Variants in GABRG3 observed in about 807,000 individuals in gnomAD.
GABRG3 encodes gamma-aminobutyric acid type A receptor subunit gamma3.
A neutral mutation model predicts 48.8 loss-of-function variants in GABRG3; 25 were observed. The ratio of observed to expected loss-of-function variants is 0.51; its 90% CI spans 0.37 to 0.72. GABRG3 has a LOEUF of 0.72. GABRG3 is among the 30% of genes least tolerant of loss of function. GABRG3 has a pLI of 0.00. For missense variants in GABRG3, 394 were observed against 577.9 expected (o/e 0.68, Z 3.26); for synonymous variants, 227 against 217.6 (o/e 1.04, Z -0.38).
chr15:26,986,132 C>G (rs990856962), intron 2 of GABRG3, among the ~76,000 whole-genome samples: 1 of 152,128 alleles, frequency 6.6e-6, no homozygotes, highest in Non-Finnish European at 1.5e-5. Context: ...GGCCAGTCCT[C>G]ACCTGAAATC....
At chr15:26,972,926 C>T (rs959657103) in intron 1 of GABRG3, among the ~76,000 whole-genome samples, 2 of 152,190 alleles carry the variant, frequency 1.3e-5, no homozygotes, top group African/African-American at 4.8e-5. Context: ...GGCCTTTCAG[C>T]TGAAGTTTCT....
At chr15:27,474,595 T>C (rs1432300724) in intron 5 of GABRG3, among the ~76,000 whole-genome samples, 1 of 152,188 alleles carries the variant, frequency 6.6e-6, no homozygotes, top group Non-Finnish European at 1.5e-5. Flanking sequence ...TCAAATGCAT[T>C]CACGACCTTG....
chr15:27,374,124 CCTTTT>C (rs1319391791), intron 5 of GABRG3, among the ~76,000 whole-genome samples: 1 of 144,976 alleles, frequency 6.9e-6, no homozygotes, highest in Non-Finnish European at 1.5e-5. Context: ...AATTTTCTTT[CCTTTT>C]CTTTTCTTCT....
chr15:26,998,299 C>T (rs1382322822), intron 2 of GABRG3, among the ~76,000 whole-genome samples: 1 of 152,206 alleles, frequency 6.6e-6, no homozygotes, highest in African/African-American at 2.4e-5. Context: ...ATGGAATTCT[C>T]CACACTTTGT....
rs1000835707 is a variant in GABRG3, at chr15:27,027,340, A to G, written c.270+519A>G. The stretch of plus-strand genomic sequence containing the variant: ...AGCCTTCTGTGGTGGGCTGAAGGCC[A>G]CAGTCCACCTGCCAGCAAGGGGTTA... On this transcript the variant is annotated intron_variant, in intron 3 of 9. Coordinates refer to ENST00000615808, the MANE Select transcript of GABRG3 (RefSeq NM_033223.5). 2.0e-5 allele frequency among the ~76,000 whole-genome samples: 3 copies of G among 152,338 alleles called. No homozygotes were observed. In the East Asian group the frequency reaches 5.8e-4, roughly 29 times the overall value.
intron 3 of GABRG3, among the ~76,000 whole-genome samples, chr15:27,112,013 C>G (rs1003855335): frequency 3.3e-5 from 5 of 152,144 alleles, no homozygotes; most frequent in African/African-American, 1.2e-4. Context: ...GGATCCTTAC[C>G]ATGAGAATCT....
chr15:27,518,192 A>C (rs1181544891), intron 6 of GABRG3, among the ~76,000 whole-genome samples: 1 of 124,390 alleles, frequency 8.0e-6, no homozygotes, highest in African/African-American at 3.5e-5. Context: ...TCTACTAAAA[A>C]TACAAAAAAA....
At position 27,455,260 on chromosome 15, in the gene GABRG3, C is replaced by G. The variant is rs764828216; in HGVS notation, c.575-25390C>G. Among the ~76,000 whole-genome samples the G allele has an allele frequency of 5.3e-5, 8 of 152,342 alleles. No homozygotes were observed. In the South Asian group the frequency reaches 6.2e-4, roughly 12 times the overall value. On this transcript the variant is annotated intron_variant, in intron 5 of 9. Coordinates refer to ENST00000615808, the MANE Select transcript of GABRG3 (RefSeq NM_033223.5). Reference sequence around the variant, plus strand: ...AAACAGCCCCAAGACTAGGTCAGCTCTGGCTGCTGCAAAACCTTACACCTT... The same window carrying G: ...AAACAGCCCCAAGACTAGGTCAGCTGTGGCTGCTGCAAAACCTTACACCTT...
At chr15:27,171,968 A>G (rs1050183461) in intron 3 of GABRG3, among the ~76,000 whole-genome samples, 6 of 152,048 alleles carry the variant, frequency 3.9e-5, no homozygotes, top group Non-Finnish European at 7.4e-5. Flanking sequence ...CCCGAGGTGG[A>G]AGGTGTCACA....
intron 3 of GABRG3, among the ~76,000 whole-genome samples, chr15:27,168,864 C>T (rs1039904053): frequency 5.9e-5 from 9 of 152,190 alleles, no homozygotes; most frequent in African/African-American, 1.9e-4. Context: ...TCTGTCATAG[C>T]AGAATGAAAG....
At chr15:27,156,316 A>AG (rs1898423495) in intron 3 of GABRG3, among the ~76,000 whole-genome samples, 1 of 151,198 alleles carries the variant, frequency 6.6e-6, no homozygotes, top group African/African-American at 2.4e-5. Context: ...AAAAAAAAAA[A>AG]AAAAAGAAAG....
At chr15:27,251,619 T>C (rs1381231535) in intron 3 of GABRG3, among the ~76,000 whole-genome samples, 1 of 152,218 alleles carries the variant, frequency 6.6e-6, no homozygotes, top group African/African-American at 2.4e-5. Context: ...TTAAATATTA[T>C]GTAGTGCACC....
intron 5 of GABRG3, among the ~76,000 whole-genome samples, chr15:27,359,240 T>C (rs1362394347): frequency 6.6e-6 from 1 of 152,216 alleles, no homozygotes; most frequent in Non-Finnish European, 1.5e-5. Context: ...CCCTCCCCGC[T>C]ACGGTGGGGA....
chr15:27,080,203 C>G (rs1015112818), intron 3 of GABRG3, among the ~76,000 whole-genome samples: 4 of 152,120 alleles, frequency 2.6e-5, no homozygotes, highest in African/African-American at 9.7e-5. Context: ...GTAGTCCCAG[C>G]TACTGGGAAA....
At chr15:27,428,843 G>A (rs1020576526) in intron 5 of GABRG3, among the ~76,000 whole-genome samples, 2 of 152,180 alleles carry the variant, frequency 1.3e-5, no homozygotes, top group South Asian at 2.1e-4. Flanking sequence ...AAAAAAATTA[G>A]GTCAATTTAA....
chr15:27,444,959 C>T (rs1176511174), intron 5 of GABRG3, among the ~76,000 whole-genome samples: 9 of 152,104 alleles, frequency 5.9e-5, no homozygotes, highest in Admixed American at 5.9e-4. Context: ...GCAACCTCCA[C>T]CTCCCAGGTT....
At chr15:27,463,221 G>A (rs1263418090) in intron 5 of GABRG3, among the ~76,000 whole-genome samples, 3 of 152,000 alleles carry the variant, frequency 2.0e-5, no homozygotes, top group Admixed American at 6.5e-5. Context: ...AAAAAGGAAA[G>A]CAAAAGCAAA....
chr15:27,462,906 A>G (rs1189745298), intron 5 of GABRG3, among the ~76,000 whole-genome samples: 1 of 152,200 alleles, frequency 6.6e-6, no homozygotes, highest in Non-Finnish European at 1.5e-5. Context: ...TAAAAACACT[A>G]TGTATTAAAG....
At chr15:27,156,837 G>C (rs1241133893) in intron 3 of GABRG3, among the ~76,000 whole-genome samples, 1 of 152,186 alleles carries the variant, frequency 6.6e-6, no homozygotes, top group African/African-American at 2.4e-5. Context: ...GAATTCGATG[G>C]TGTGGAGTGT....
Sources: gnomAD v4.1 joint callset for allele counts (sites outside exome capture counted in the v4.1 genomes callset) on GRCh38, gnomAD v4.1.1 for gene constraint, MANE v1.5 for transcripts, NCBI Gene and HGNC (gene_info 2026-07-23, HGNC 2026-07-21) for gene names.